SERPINB8: variants seen among roughly 807,000 people sequenced by gnomAD.
SERPINB8 encodes the protein serpin family B member 8.
SERPINB8 carries 25 observed loss-of-function variants against 35.3 expected under a neutral mutation model. That is an observed-to-expected ratio of 0.71 (90% CI 0.52 to 0.99). The LOEUF (loss-of-function observed/expected upper bound fraction) is 0.99. Among genes scored for constraint, SERPINB8 ranks in the 50% least tolerant of loss-of-function variants. SERPINB8 has a pLI of 0.00. For missense variants in SERPINB8, 484 were observed against 446.5 expected, an observed-to-expected ratio of 1.08 and a Z score of -0.76; for synonymous variants, 186 against 160.8, an observed-to-expected ratio of 1.16 and a Z score of -1.19.
intron 1 of SERPINB8, among the ~76,000 whole-genome samples, chr18:64,001,769 G>A (rs1199721473): frequency 1.3e-5 from 2 of 152,106 alleles, no homozygotes; most frequent in Non-Finnish European, 2.9e-5. Context: ...TTACAGGCGT[G>A]AGCCACCGCG....
intron 7 of SERPINB8, among the ~76,000 whole-genome samples, chr18:64,011,845 A>T (rs1337625841): frequency 6.6e-6 from 1 of 152,166 alleles, no homozygotes; most frequent in African/African-American, 2.4e-5. Context: ...CACCCTCCTT[A>T]CAAGTGGAAG....
chr18:63,985,039 T>A (rs572275036), intron 5 of SERPINB8, 54 bp from the exon 6 acceptor site: 34 of 1,585,038 alleles, frequency 2.1e-5, no homozygotes, highest in African/African-American at 1.5e-4. Context: ...ATATATCCTA[T>A]TTTTAGTAAA....
chr18:63,989,695 G>A (rs976614949), downstream of SERPINB8, among the ~76,000 whole-genome samples: 1 of 152,068 alleles, frequency 6.6e-6, no homozygotes, highest in Non-Finnish European at 1.5e-5. Flanking sequence ...TGTAATCCCA[G>A]CACTTTGGGA....
At chr18:63,996,325 A>G (rs1225704060) in intron 1 of SERPINB8, among the ~76,000 whole-genome samples, 1 of 152,114 alleles carries the variant, frequency 6.6e-6, no homozygotes, top group African/African-American at 2.4e-5. Flanking sequence ...TCCTCTGTCT[A>G]TTACAGGTGG....
intron 1 of SERPINB8, among the ~76,000 whole-genome samples, chr18:64,002,631 TC>T (rs1219436855): frequency 6.6e-6 from 1 of 151,984 alleles, no homozygotes; most frequent in African/African-American, 2.4e-5. Flanking sequence ...CAGCCCTGGG[TC>T]CCCCGCGGGG....
chr18:64,004,892 A>C (rs965711908), exon 2 of SERPINB8: 2 of 398,526 alleles, frequency 5.0e-6, no homozygotes, highest in Non-Finnish European at 8.9e-6. Context: ...TAAGTACAGA[A>C]ACATCAGACG....
At chr18:64,002,098 T>C (rs2144842254) in intron 1 of SERPINB8, among the ~76,000 whole-genome samples, 1 of 152,194 alleles carries the variant, frequency 6.6e-6, no homozygotes, top group East Asian at 1.9e-4. Context: ...CCGCCCTGCC[T>C]CTGAACCCCC....
intron 7 of SERPINB8, among the ~76,000 whole-genome samples, chr18:64,015,432 T>A (rs1315827427): frequency 6.6e-6 from 1 of 152,224 alleles, no homozygotes; most frequent in Admixed American, 6.5e-5. Flanking sequence ...TTTGCCTAGA[T>A]GATCCCTAAG....
At chr18:64,014,538 T>C (rs1346421920) in intron 7 of SERPINB8, among the ~76,000 whole-genome samples, 2 of 152,130 alleles carry the variant, frequency 1.3e-5, no homozygotes, top group Non-Finnish European at 2.9e-5. Context: ...GGGCTGAGCA[T>C]CCTATCAGCA....
chr18:63,978,366 G>T lies in SERPINB8; in HGVS notation c.58G>T (p.Gly20Trp). ...TGCCATCAGCTTATTTAAAATATTG[G>T]GGGAAGAGGACAACTCAAGAAACGT... ...TFAISLFKIL[G>W]EEDNSRNVFF... Residue 20 changes from glycine to tryptophan, a missense_variant, in exon 2 of 7, where the codon GGG becomes TGG. Transcript: ENST00000397985. The T allele has an allele frequency of 6.2e-7, 1 of 1,614,152 alleles. No homozygotes were observed. Among genetic ancestry groups the T allele is most frequent in the South Asian group, 1.1e-5 (1 of 91,082 alleles).
Position 63,998,084 on chromosome 18 carries a change from C to G in SERPINB8, c.71-6735C>G, listed in dbSNP as rs149280963. 2.6e-3 allele frequency among the ~76,000 whole-genome samples: 389 copies of G among 152,282 alleles called. 1 individual carries two copies. Among genetic ancestry groups the G allele is most frequent in the African/African-American group, 8.7e-3 (361 of 41,550 alleles). On this transcript the variant is annotated intron_variant, in intron 1 of 1. Coordinates refer to the SERPINB8 transcript ENST00000493661. ...CACAGCATGAAAAAGATAATCCACC[C>G]GCCAGACCCTGAGCAAGGCTAAACA...
At chr18:64,000,079 G>A (rs898011876) in intron 1 of SERPINB8, among the ~76,000 whole-genome samples, 5 of 152,224 alleles carry the variant, frequency 3.3e-5, no homozygotes, top group South Asian at 2.1e-4. Context: ...GCCAAGGAGA[G>A]TCTGTGCCAC....
At chr18:63,998,344 A>G (rs943920060) in intron 1 of SERPINB8, among the ~76,000 whole-genome samples, 3 of 152,208 alleles carry the variant, frequency 2.0e-5, no homozygotes, top group Admixed American at 1.3e-4. Context: ...ATTGTATCTA[A>G]TAATGGCCCA....
At chr18:64,004,526 A>G (rs544987534) in intron 1 of SERPINB8, among the ~76,000 whole-genome samples, 1 of 152,300 alleles carries the variant, frequency 6.6e-6, no homozygotes, top group Admixed American at 6.5e-5. Flanking sequence ...GCATATACCT[A>G]TTTATAAACT....
intron 3 of SERPINB8, 53 bp from the exon 4 acceptor site, chr18:63,981,668 A>G (rs2050672949): frequency 2.4e-6 from 3 of 1,250,866 alleles, no homozygotes; most frequent in Non-Finnish European, 3.5e-6. Context: ...ATGCTTTTGC[A>G]TTTGTGGGAA....
In SERPINB8 at chr18:63,978,389, C is replaced by T. The variant is rs61735438; in HGVS notation, c.81C>T (p.Asn27=). ...KILGEEDNSR[N]VFFSPMSISS... Reference sequence around the variant, plus strand: ...TGGGGGAAGAGGACAACTCAAGAAACGTATTCTTCTCTCCCATGAGCATCT... The same window carrying T: ...TGGGGGAAGAGGACAACTCAAGAAATGTATTCTTCTCTCCCATGAGCATCT... The change falls in exon 2 of 7, where the codon AAC becomes AAT. Residue 27 remains asparagine (N), a synonymous_variant. Transcript: ENST00000397985. 4.6e-3 allele frequency: 7,418 copies of T among 1,614,156 alleles called. 174 individuals carry two copies. In the South Asian group the frequency reaches 0.047, roughly 10 times the overall value.
At chr18:64,006,669 G>T, downstream of SERPINB8, among the ~76,000 whole-genome samples, 1 of 152,212 alleles carries the variant, frequency 6.6e-6, no homozygotes, top group Non-Finnish European at 1.5e-5. Context: ...AATTGACTAG[G>T]AGTCTGGAAA....
chr18:63,981,832 A>T lies in SERPINB8; in HGVS notation c.418A>T (p.Thr140Ser). 6.2e-7 allele frequency: 1 copy of T among 1,603,358 alleles called. No homozygotes were observed. Reference sequence around the variant, plus strand: ...TATAAATGACTGGGTGGCAGAGAAGACTGAAGGTGAGACAGTTTCATTTCT... The same window carrying T: ...TATAAATGACTGGGTGGCAGAGAAGTCTGAAGGTGAGACAGTTTCATTTCT... ...KHINDWVAEKTEGKISEVLDA... is the reference protein window; with the variant it reads ...KHINDWVAEKSEGKISEVLDA... Residue 140 changes from threonine (T) to serine (S), a missense_variant, in exon 4 of 7, where the codon ACT becomes TCT. By Grantham distance (58) the Thr-to-Ser change is moderately conservative (BLOSUM62 1). Transcript: ENST00000397985.
At chr18:64,006,367 G>A (rs1031676986), downstream of SERPINB8, among the ~76,000 whole-genome samples, 1 of 152,114 alleles carries the variant, frequency 6.6e-6, no homozygotes, top group Non-Finnish European at 1.5e-5. Flanking sequence ...TCAGAGATGG[G>A]GCCTTTGGGA....
Sources: allele counts gnomAD v4.1 joint callset (sites outside exome capture counted in the v4.1 genomes callset), GRCh38; gene constraint gnomAD v4.1.1; transcripts MANE v1.5; gene names NCBI Gene and HGNC (gene_info 2026-07-23, HGNC 2026-07-21).